Variants in CLCN7 observed in about 807,000 individuals in gnomAD.
CLCN7 encodes the protein H(+)/Cl(-) exchange transporter 7.
A neutral mutation model predicts 102.1 loss-of-function variants in CLCN7; 60 were observed. That is an observed-to-expected ratio of 0.59 (90% CI 0.48 to 0.73). CLCN7 has a LOEUF of 0.73. Among genes scored for constraint, CLCN7 ranks in the 30% least tolerant of loss-of-function variants. CLCN7 has a pLI of 0.00. For missense variants in CLCN7, 962 were observed against 1,125.7 expected (o/e 0.85, Z 2.08); for synonymous variants, 560 against 490.5 (o/e 1.14, Z -1.87).
In CLCN7 at chr16:1,451,264, G is replaced by A. The variant is rs542307307; in HGVS notation, c.1447+359C>T. Reference sequence around the variant, plus strand: ...GCTGTGTCACCCAGGCTGGTATGCAGTGATGTAATCACAGCTCATTGTGGC... The same window carrying A: ...GCTGTGTCACCCAGGCTGGTATGCAATGATGTAATCACAGCTCATTGTGGC... On this transcript the variant is annotated intron_variant, in intron 16 of 24. Coordinates refer to ENST00000382745, the MANE Select transcript of CLCN7 (RefSeq NM_001287.6). Among the ~76,000 whole-genome samples, 4 of 152,328 alleles carry A rather than the reference G, an allele frequency of 2.6e-5. No homozygotes were observed. The South Asian group carries it at 8.3e-4, about 32-fold the overall frequency.
intron 24 of CLCN7, 134 bp downstream of exon 24, chr16:1,446,872 G>T: frequency 8.9e-7 from 1 of 1,129,688 alleles, no homozygotes; most frequent in Non-Finnish European, 1.3e-6. Context: ...GAGGGGTGCA[G>T]CCATGGGGCA....
Position 1,455,119 on chromosome 16 carries a change from G to A in CLCN7, c.1098+15C>T, listed in dbSNP as rs760916017. 38 of 1,452,000 alleles carry A rather than the reference G, an allele frequency of 2.6e-5. No homozygotes were observed. The East Asian group carries it at 4.8e-4, about 18-fold the overall frequency. 89.9% of individuals were successfully genotyped at this position (1,452,000 alleles called of 1,614,324 possible). Reference sequence around the variant, plus strand: ...AGGATACGAGGTGGGCGAGGTGGGCGATGGGGCAGGTTACCTCCGAGTCAA... The same window carrying A: ...AGGATACGAGGTGGGCGAGGTGGGCAATGGGGCAGGTTACCTCCGAGTCAA... On this transcript the variant is annotated intron_variant, in intron 12 of 24. Coordinates refer to ENST00000382745, the MANE Select transcript of CLCN7 (RefSeq NM_001287.6).
chr16:1,470,145 G>A (rs537136171), intron 1 of CLCN7, among the ~76,000 whole-genome samples: 10 of 152,340 alleles, frequency 6.6e-5, no homozygotes, highest in South Asian at 6.2e-4. Context: ...CTGCACTCAC[G>A]GATGATTAAA....
At chr16:1,449,546 G>A (rs776435625) in intron 17 of CLCN7, 3 of 605,754 alleles carry the variant, frequency 5.0e-6, no homozygotes, top group Non-Finnish European at 8.9e-6. Flanking sequence ...AGCAACAGGG[G>A]AGTGGCAGGC....
intron 1 of CLCN7, among the ~76,000 whole-genome samples, chr16:1,468,132 T>A (rs939932153): frequency 6.6e-6 from 1 of 151,492 alleles, no homozygotes; most frequent in Non-Finnish European, 1.5e-5. Context: ...CACAGTCACA[T>A]GTCCTGGGCG....
chr16:1,456,521 G>A (rs2038837723), intron 9 of CLCN7, among the ~76,000 whole-genome samples: 2 of 152,196 alleles, frequency 1.3e-5, no homozygotes, highest in African/African-American at 4.8e-5. Flanking sequence ...GCTGTTCTTT[G>A]TCCTGCGGGA....
chr16:1,469,657 G>C (rs995642747), intron 1 of CLCN7, among the ~76,000 whole-genome samples: 2 of 152,182 alleles, frequency 1.3e-5, no homozygotes, highest in African/African-American at 4.8e-5. Flanking sequence ...CTGCCCTTCA[G>C]CCTGGGCGAC....
intron 23 of CLCN7, 82 bp from the exon 24 acceptor site, chr16:1,447,168 C>A: frequency 7.3e-7 from 1 of 1,374,412 alleles, no homozygotes. Flanking sequence ...TCCCTGCACC[C>A]CCCACCACGG....
intron 16 of CLCN7, among the ~76,000 whole-genome samples, chr16:1,451,214 CTTTTGTTTTTTG>C (rs2038743681): frequency 6.6e-6 from 1 of 152,176 alleles, no homozygotes; most frequent in East Asian, 1.9e-4. Flanking sequence ...GCTGGGTTTT[CTTTTGTTTTTTG>C]AGAGAGGGTC....
At chr16:1,464,575 G>A (rs1319399812) in intron 2 of CLCN7, among the ~76,000 whole-genome samples, 7 of 152,232 alleles carry the variant, frequency 4.6e-5, no homozygotes, top group African/African-American at 7.2e-5. Flanking sequence ...GAGCTCAAAC[G>A]GACGCAAGGC....
At position 1,459,190 on chromosome 16, in the gene CLCN7, G is replaced by T; in HGVS notation, c.595-3C>A. 1 of 1,612,862 alleles carries T rather than the reference G, an allele frequency of 6.2e-7. No individual in the cohort carries two copies. The highest frequency in any genetic ancestry group is 8.5e-7 in the Non-Finnish European group (1 of 1,179,712). On this transcript the variant is annotated splice_region_variant and splice_polypyrimidine_tract_variant and intron_variant, in intron 6 of 24. Coordinates refer to ENST00000382745, the MANE Select transcript of CLCN7 (RefSeq NM_001287.6). ...ATTCCGCTGCCAGCAGCCACCGGCT[G>T]AAAGAGGGGAAGCACGGCTGAGTGG...
chr16:1,462,606 C>T (rs1207713217), intron 2 of CLCN7, among the ~76,000 whole-genome samples: 1 of 146,896 alleles, frequency 6.8e-6, no homozygotes, highest in East Asian at 2.0e-4. Flanking sequence ...AAACTCTTGG[C>T]CTCAAGTGAT....
chr16:1,469,914 C>T (rs528501681), intron 1 of CLCN7, among the ~76,000 whole-genome samples: 2 of 152,334 alleles, frequency 1.3e-5, no homozygotes, highest in East Asian at 1.9e-4. Flanking sequence ...TGCTGCAGCA[C>T]GACGGGCCGG....
rs2038635926 is a variant in CLCN7, at chr16:1,446,154, T to C, written c.*477A>G. On this transcript the variant is annotated 3_prime_UTR_variant, in exon 25 of 25. Coordinates refer to ENST00000382745, the MANE Select transcript of CLCN7 (RefSeq NM_001287.6). The stretch of plus-strand genomic sequence containing the variant: ...CCAGGGACCACAGGCCGTCTGCTCA[T>C]GGCTGAAAATGAGGCCAAGCAGCTC... 2 of 603,590 alleles carry C rather than the reference T, an allele frequency of 3.3e-6. No individual in the cohort carries two copies. Among genetic ancestry groups the C allele is most frequent in the Non-Finnish European group, 5.9e-6 (2 of 340,112 alleles). The allele number at this position is 603,590 out of a possible 1,614,324, so 37.4% of individuals were successfully genotyped here.
chr16:1,451,525 C>G, intron 16 of CLCN7, 98 bp downstream of exon 16: 1 of 1,004,236 alleles, frequency 1.0e-6, no homozygotes, highest in Admixed American at 1.9e-5. Context: ...GACCCCCCAG[C>G]CCAGGGCTGC....
At position 1,457,338 on chromosome 16, in the gene CLCN7, C is replaced by A. The variant is rs1355252991; in HGVS notation, c.739-1G>T. 6.2e-7 allele frequency: 1 copy of A among 1,613,148 alleles called. No individual in the cohort carries two copies. Among genetic ancestry groups the A allele is most frequent in the African/African-American group, 1.3e-5 (1 of 74,932 alleles). On this transcript the variant is annotated splice_acceptor_variant, in intron 8 of 24. Transcript: ENST00000382745. LOFTEE classifies it high-confidence loss of function. The surrounding 1 kb of genome is among the most constrained non-coding windows in gnomAD (Gnocchi z 5.4). ...AACCTGAGTGGATCATCGGCCCTTC[C>A]TGGAGACCAGAAGGACCGGTGCTCA...
rs2038851501 is a variant in CLCN7 at position 1,457,410 on chromosome 16, C to T, written c.739-73G>A. 2 of 1,397,240 alleles carry T rather than the reference C, an allele frequency of 1.4e-6. No homozygotes were observed. The allele number at this position is 1,397,240 out of a possible 1,614,324, so 86.6% of individuals were successfully genotyped here. Reference sequence around the variant, plus strand: ...TTCCTGGAGACCAGAAGGACCGATGCTCAGAGACACGCGTGACGCGGCCCT... The same window carrying T: ...TTCCTGGAGACCAGAAGGACCGATGTTCAGAGACACGCGTGACGCGGCCCT... On this transcript the variant is annotated intron_variant, in intron 8 of 24. Coordinates refer to ENST00000382745, the MANE Select transcript of CLCN7 (RefSeq NM_001287.6). The surrounding 1 kb of genome is among the most constrained non-coding windows in gnomAD (Gnocchi z 5.4).
At position 1,461,674 on chromosome 16, in the gene CLCN7, C is replaced by T. The variant is rs2038940016; in HGVS notation, c.214G>A (p.Asp72Asn). The T allele has an allele frequency of 5.0e-6, 8 of 1,613,874 alleles. No homozygotes were observed. Among genetic ancestry groups the T allele is most frequent in the Non-Finnish European group, 6.8e-6 (8 of 1,179,930 alleles). The change falls in exon 3 of 25, where the codon GAT becomes AAT. Residue 72 changes from aspartate (D) to asparagine (N), a missense_variant and splice_region_variant. Around this residue, in one of 2 missense-constraint regions of CLCN7, gnomAD observed 163 missense variants for 137.7 expected, o/e 1.18. Coordinates refer to ENST00000382745, the MANE Select transcript of CLCN7 (RefSeq NM_001287.6). ...VELDDELLDP[D>N]MDPPHPFPKE... is the part of the protein sequence containing the mutation. ...GGGAAGGGATGTGGAGGGTCCATAT[C>T]CTGTGGCAGAAAAAGGCAAAGAGAG...
chr16:1,452,680 A>T (rs1373839716), intron 15 of CLCN7, 75 bp downstream of exon 15: 1 of 1,494,176 alleles, frequency 6.7e-7, no homozygotes, highest in East Asian at 2.5e-5. Context: ...CTCCTCCCGT[A>T]GCCTAAGCGA....
Sources: allele counts gnomAD v4.1 joint callset (sites outside exome capture counted in the v4.1 genomes callset), GRCh38; gene constraint gnomAD v4.1.1; regional missense constraint gnomAD v4.1.1; non-coding constraint Gnocchi (gnomAD v3.1); transcripts MANE v1.5; gene names NCBI Gene and HGNC (gene_info 2026-07-23, HGNC 2026-07-21).